The following PRKG1 variants were observed in gnomAD, a reference collection of about 807,000 sequenced individuals.
The protein encoded by PRKG1 is cGMP-dependent protein kinase 1.
Under a neutral mutation model 88.1 loss-of-function variants are expected in PRKG1, and 35 were observed. The ratio of observed to expected loss-of-function variants is 0.40; its 90% CI spans 0.30 to 0.53. PRKG1 has a LOEUF of 0.53. PRKG1 is among the 20% of genes least tolerant of loss of function. PRKG1 has a pLI of 0.59. For synonymous variants in PRKG1, 303 were observed against 292.5 expected (o/e 1.04, Z -0.37); for missense variants, 540 against 839.8 (o/e 0.64, Z 4.41).
chr10:51,284,889 A>T (rs1292741512), intron 2 of PRKG1, among the ~76,000 whole-genome samples: 3 of 71,984 alleles, frequency 4.2e-5, no homozygotes, highest in African/African-American at 1.1e-4. Flanking sequence ...TTTTTTTTTA[A>T]GCTATTCTTT....
chr10:51,092,172 A>G (rs190928344), intron 1 of PRKG1, among the ~76,000 whole-genome samples: 34 of 152,304 alleles, frequency 2.2e-4, no homozygotes, highest in African/African-American at 6.0e-4. Context: ...GAAATGAGAG[A>G]GGCAAAGGGA....
At chr10:51,975,554 A>G (rs1017693199) in intron 5 of PRKG1, among the ~76,000 whole-genome samples, 4 of 152,154 alleles carry the variant, frequency 2.6e-5, no homozygotes, top group African/African-American at 7.2e-5. Context: ...ATAAGTTTAA[A>G]GCACTTCTGC....
intron 3 of PRKG1, among the ~76,000 whole-genome samples, chr10:51,661,769 C>T (rs1282336298): frequency 6.6e-6 from 1 of 152,176 alleles, no homozygotes; most frequent in African/African-American, 2.4e-5. Context: ...GCTATAAAGA[C>T]ACATGCACAC....
rs141434354 is a variant in PRKG1 at position 51,976,083 on chromosome 10, T to C, written c.762+68513T>C. ...CAGTAAGATACCAGTTCATACTGACTAGGTTGGCTATAATCAAAAGACAGA... is the reference window on the plus strand; with the variant it reads ...CAGTAAGATACCAGTTCATACTGACCAGGTTGGCTATAATCAAAAGACAGA... On this transcript the variant is annotated intron_variant, in intron 5 of 17. Coordinates refer to ENST00000373980, the MANE Select transcript of PRKG1 (RefSeq NM_006258.4). Among the ~76,000 whole-genome samples, 4 of 152,152 alleles carry C rather than the reference T, an allele frequency of 2.6e-5. No individual in the cohort carries two copies. In the East Asian group the frequency reaches 7.7e-4, roughly 29 times the overall value.
intron 3 of PRKG1, among the ~76,000 whole-genome samples, chr10:51,502,553 A>G (rs994858308): frequency 6.6e-6 from 1 of 152,184 alleles, no homozygotes; most frequent in Non-Finnish European, 1.5e-5. Context: ...TGAAGTGAGA[A>G]GAACTAAAAT....
chr10:51,061,060 G>GGTGTGTGTGTGTGT (rs71029344), intron 1 of PRKG1, among the ~76,000 whole-genome samples: 53,367 of 146,908 alleles, frequency 0.36, 10,050 homozygotes, highest in South Asian at 0.47. Flanking sequence ...TATACCTAGG[G>GGTGTGTGTGTGTGT]GTGTGTGTGT....
At chr10:51,159,942 G>T (rs953000472) in intron 2 of PRKG1, among the ~76,000 whole-genome samples, 4 of 116,362 alleles carry the variant, frequency 3.4e-5, no homozygotes, top group Admixed American at 1.6e-4. Context: ...GACCAAAAGT[G>T]AAATGGGCAG....
At chr10:52,291,510 G>GT (rs1564548299) in intron 17 of PRKG1, among the ~76,000 whole-genome samples, 1 of 149,930 alleles carries the variant, frequency 6.7e-6, no homozygotes, top group Non-Finnish European at 1.5e-5. Context: ...GCGGTGTTTG[G>GT]TTTTTTGTTC....
chr10:51,396,713 A>C (rs983184730), intron 2 of PRKG1, among the ~76,000 whole-genome samples: 4 of 152,260 alleles, frequency 2.6e-5, no homozygotes, highest in African/African-American at 9.6e-5. Context: ...AGATGTTGTC[A>C]GAGTGAAATC....
chr10:51,223,172 C>CA (rs1260538638), intron 2 of PRKG1, among the ~76,000 whole-genome samples: 1 of 152,102 alleles, frequency 6.6e-6, no homozygotes, highest in African/African-American at 2.4e-5. Context: ...CATTGATCTA[C>CA]ATATCCTCAC....
chr10:51,654,324 T>C (rs1840111459), intron 3 of PRKG1, among the ~76,000 whole-genome samples: 1 of 152,184 alleles, frequency 6.6e-6, no homozygotes, highest in Non-Finnish European at 1.5e-5. Context: ...TTTTCAAAGT[T>C]TAATTGACTG....
Position 51,238,605 on chromosome 10 carries a change from A to G in PRKG1, c.478+85275A>G, listed in dbSNP as rs1287710365. ...CTTAAAAAAAATAAAAAAATAAAAA[A>G]AGTCAAAATTAGCTGGGTGTGGTGG... On this transcript the variant is annotated intron_variant, in intron 2 of 17. Coordinates refer to ENST00000373980, the MANE Select transcript of PRKG1 (RefSeq NM_006258.4). Among the ~76,000 whole-genome samples the G allele has an allele frequency of 4.0e-5, 6 of 148,402 alleles. No individual in the cohort carries two copies. The East Asian group carries it at 1.0e-3, about 25-fold the overall frequency.
chr10:51,843,637 G>T (rs540272896), intron 4 of PRKG1, among the ~76,000 whole-genome samples: 1 of 152,254 alleles, frequency 6.6e-6, no homozygotes, highest in African/African-American at 2.4e-5. Flanking sequence ...TGCTGCACAG[G>T]CATAGAAGAG....
chr10:51,605,016 C>G (rs921783711), intron 3 of PRKG1, among the ~76,000 whole-genome samples: 17 of 152,106 alleles, frequency 1.1e-4, no homozygotes, highest in Non-Finnish European at 2.2e-4. Context: ...GGAGGTGGCT[C>G]TCAGTGAGAT....
intron 2 of PRKG1, among the ~76,000 whole-genome samples, chr10:51,410,182 C>T (rs1280884337): frequency 6.6e-6 from 1 of 150,572 alleles, no homozygotes; most frequent in Non-Finnish European, 1.5e-5. Context: ...ACTATATATA[C>T]TAATAGGATC....
intron 2 of PRKG1, among the ~76,000 whole-genome samples, chr10:51,220,571 T>G (rs1838502590): frequency 6.6e-6 from 1 of 151,978 alleles, no homozygotes; most frequent in South Asian, 2.1e-4. Flanking sequence ...GTGACAGCAA[T>G]TACCATTATA....
chr10:51,046,819 A>G (rs1423263183), intron 1 of PRKG1, among the ~76,000 whole-genome samples: 1 of 152,230 alleles, frequency 6.6e-6, no homozygotes, highest in African/African-American at 2.4e-5. Context: ...GGAGAATATT[A>G]AGTACTCTTA....
At chr10:51,680,655 CTTTAA>C (rs1259889204) in intron 3 of PRKG1, among the ~76,000 whole-genome samples, 3 of 152,218 alleles carry the variant, frequency 2.0e-5, no homozygotes, top group African/African-American at 7.2e-5. Context: ...TTCAGATTCT[CTTTAA>C]TTGTGTTCCT....
At chr10:51,916,834 T>G (rs943774370) in intron 5 of PRKG1, among the ~76,000 whole-genome samples, 6 of 152,202 alleles carry the variant, frequency 3.9e-5, no homozygotes, top group Admixed American at 3.3e-4. Context: ...AAATATTACT[T>G]GACTTTAAAA....
Sources: gnomAD v4.1 joint callset for allele counts (sites outside exome capture counted in the v4.1 genomes callset) on GRCh38, gnomAD v4.1.1 for gene constraint, MANE v1.5 for transcripts, NCBI Gene and HGNC (gene_info 2026-07-23, HGNC 2026-07-21) for gene names.